The following TULP3 variants were observed in gnomAD, a reference collection of about 807,000 sequenced individuals.
TULP3 encodes the protein tubby-related protein 3.
In TULP3, 38 loss-of-function variants were observed where a neutral mutation model predicts 50.7. That is an observed-to-expected ratio of 0.75 (90% CI 0.58 to 0.98). The LOEUF (loss-of-function observed/expected upper bound fraction) is 0.98. TULP3 is among the 50% of genes least tolerant of loss of function. TULP3 has a pLI of 0.00. For missense variants in TULP3, 550 were observed against 568.0 expected, an observed-to-expected ratio of 0.97 and a Z score of 0.32; for synonymous variants, 183 against 196.6, an observed-to-expected ratio of 0.93 and a Z score of 0.58.
At chr12:2,938,032 G>A in intron 9 of TULP3, 82 bp from the exon 10 acceptor site, 1 of 1,477,190 alleles carries the variant, frequency 6.8e-7, no homozygotes, top group East Asian at 2.3e-5. Context: ...TTTCTGAAAT[G>A]GAGAAAGTAT....
chr12:2,921,461 G>A (rs1224817593), intron 3 of TULP3, among the ~76,000 whole-genome samples: 1 of 152,148 alleles, frequency 6.6e-6, no homozygotes, highest in Non-Finnish European at 1.5e-5. Context: ...TTTTCTAGAT[G>A]CCAGATGAAT....
At chr12:2,904,689 A>AT (rs2098181179) in intron 1 of TULP3, among the ~76,000 whole-genome samples, 1 of 152,048 alleles carries the variant, frequency 6.6e-6, no homozygotes. Context: ...AGGAAAAAGA[A>AT]TTACTCCACT....
Position 2,933,536 on chromosome 12 carries a change from A to T in TULP3, c.809+6A>T, listed in dbSNP as rs1377364842. ...AGTTATGTCGGCAAGCTTAGGTGAA[A>T]GCAACCTTAGATCACTGTCCTATTC... is the stretch of plus-strand genomic sequence containing the variant. On this transcript the variant is annotated splice_donor_region_variant and intron_variant, in intron 7 of 10. Coordinates refer to ENST00000448120, the MANE Select transcript of TULP3 (RefSeq NM_003324.5). The T allele has an allele frequency of 3.8e-6, 6 of 1,567,298 alleles. No individual in the cohort carries two copies. Among genetic ancestry groups the T allele is most frequent in the East Asian group, 2.2e-5 (1 of 44,682 alleles).
chr12:2,892,745 G>C (rs10744576), intron 1 of TULP3, among the ~76,000 whole-genome samples: 71,888 of 151,348 alleles, frequency 0.47, 17,462 homozygotes, highest in African/African-American at 0.59. Flanking sequence ...TTCTTGACCT[G>C]GTGATCTGCC....
At position 2,917,750 on chromosome 12, in the gene TULP3, G is replaced by A. The variant is rs545308159; in HGVS notation, c.94-3013G>A. 3.3e-5 allele frequency among the ~76,000 whole-genome samples: 5 copies of A among 150,198 alleles called. No individual in the cohort carries two copies. The South Asian group carries it at 6.4e-4, about 19-fold the overall frequency. On this transcript the variant is annotated intron_variant, in intron 2 of 10. Transcript: ENST00000448120. The stretch of plus-strand genomic sequence containing the variant: ...AAATTAGCCGGGCGCGGTGCCGGAC[G>A]CCTGTAGTCCCAGCTCCTCGGGAGG...
At chr12:2,924,858 ATAAAAAT>A (rs1250094385) in intron 4 of TULP3, among the ~76,000 whole-genome samples, 1 of 151,994 alleles carries the variant, frequency 6.6e-6, no homozygotes. Flanking sequence ...GTCTCAAAAA[ATAAAAAT>A]TAAAAATAAA....
At chr12:2,915,010 CAA>C (rs1201910678) in intron 2 of TULP3, among the ~76,000 whole-genome samples, 1 of 144,652 alleles carries the variant, frequency 6.9e-6, no homozygotes, top group Admixed American at 6.9e-5. Context: ...TTTTTTGAGA[CAA>C]GAGTGTAGCC....
At chr12:2,899,407 C>T (rs1480438987) in intron 1 of TULP3, among the ~76,000 whole-genome samples, 3 of 150,796 alleles carry the variant, frequency 2.0e-5, no homozygotes, top group Admixed American at 6.6e-5. Context: ...CAAAAACTGA[C>T]GGCAGGCCAG....
chr12:2,891,043 G>A (rs567988109), intron 1 of TULP3, 55 bp downstream of exon 1: 313 of 1,489,118 alleles, frequency 2.1e-4, no homozygotes, highest in Non-Finnish European at 2.7e-4. Context: ...GGCGAAGCGA[G>A]AAGGCGGAGG....
At chr12:2,934,075 T>C (rs1201115197) in intron 7 of TULP3, among the ~76,000 whole-genome samples, 2 of 152,026 alleles carry the variant, frequency 1.3e-5, no homozygotes, top group African/African-American at 2.4e-5. Context: ...CACTGAGACA[T>C]TATCTCTTCA....
At chr12:2,903,928 C>A (rs959458655) in intron 1 of TULP3, among the ~76,000 whole-genome samples, 3 of 151,996 alleles carry the variant, frequency 2.0e-5, no homozygotes, top group African/African-American at 4.8e-5. Flanking sequence ...GGATTACAGG[C>A]GCCCACCACC....
rs56027951 is a variant in TULP3 at position 2,911,664 on chromosome 12, C to CTTTTTTTTTTTTTT, written c.93+2114_93+2127dup. 4.5e-4 allele frequency among the ~76,000 whole-genome samples: 17 copies of CTTTTTTTTTTTTTT among 38,170 alleles called. 2 individuals carry two copies. Among genetic ancestry groups the CTTTTTTTTTTTTTT allele is most frequent in the South Asian group, 1.2e-3 (1 of 862 alleles). 25.0% of individuals were successfully genotyped at this position (38,170 alleles called of 152,430 possible). A position where few individuals can be genotyped will look rare whatever the true frequency, so the allele number is the denominator to read the frequency against. Reference sequence around the variant, plus strand: ...ACAGGCGTGAGCCACTGCGCCCAGCCTTTTTTTTTTTTTTTTTTTTTTTTT... The same window carrying CTTTTTTTTTTTTTT: ...ACAGGCGTGAGCCACTGCGCCCAGCCTTTTTTTTTTTTTTTTTTTTTTTTTTTTTTTTTTTTTTT... On this transcript the variant is annotated intron_variant, in intron 2 of 10. Transcript: ENST00000448120.
chr12:2,893,901 C>T (rs1020380511), intron 1 of TULP3, among the ~76,000 whole-genome samples: 1 of 151,792 alleles, frequency 6.6e-6, no homozygotes, highest in Non-Finnish European at 1.5e-5. Context: ...GCCTCAGCCT[C>T]CCAAAGTGCT....
chr12:2,891,081 G>T, intron 1 of TULP3, 93 bp downstream of exon 1: 1 of 1,379,140 alleles, frequency 7.3e-7, no homozygotes, highest in Non-Finnish European at 9.5e-7. Flanking sequence ...GCGGGGAGAG[G>T]GCGGGACTCG....
intron 4 of TULP3, among the ~76,000 whole-genome samples, chr12:2,923,343 G>T (rs1190756907): frequency 6.6e-6 from 1 of 152,058 alleles, no homozygotes; most frequent in Non-Finnish European, 1.5e-5. Context: ...AAACAAATTT[G>T]TATATTCACT....
At chr12:2,918,364 G>A (rs1322467543) in intron 2 of TULP3, among the ~76,000 whole-genome samples, 3 of 151,276 alleles carry the variant, frequency 2.0e-5, no homozygotes, top group Non-Finnish European at 2.9e-5. Flanking sequence ...CGCCCACCTC[G>A]ACCTCCCAAA....
chr12:2,913,000 T>C (rs962361361), intron 2 of TULP3, among the ~76,000 whole-genome samples: 3 of 151,266 alleles, frequency 2.0e-5, no homozygotes, highest in African/African-American at 7.3e-5. Flanking sequence ...TTTGAGACAG[T>C]CTCCCTCTGT....
intron 6 of TULP3, among the ~76,000 whole-genome samples, chr12:2,932,083 G>C (rs1049609001): frequency 6.6e-6 from 1 of 152,186 alleles, no homozygotes. Flanking sequence ...GGAGAGTTTA[G>C]GAAGGATGCC....
At position 2,939,608 on chromosome 12, in the gene TULP3, CT is replaced by C. The variant is rs2098203509; in HGVS notation, c.*168del. ...ACACACAAAGAGCAATAGTTTGCCCCTTTTGGAACGACCCCTGAATATATAA... is the reference window on the plus strand; with the variant it reads ...ACACACAAAGAGCAATAGTTTGCCCCTTTGGAACGACCCCTGAATATATAA... On this transcript the variant is annotated 3_prime_UTR_variant, in exon 11 of 11. Coordinates refer to ENST00000448120, the MANE Select transcript of TULP3 (RefSeq NM_003324.5). This position sits in a 1 kb window ranked among gnomAD's most constrained non-coding sequence, Gnocchi z 4.0. 1 of 1,217,860 alleles carries C rather than the reference CT, an allele frequency of 8.2e-7. No individual in the cohort carries two copies. The highest frequency in any genetic ancestry group is 1.5e-5 in the African/African-American group (1 of 64,804). 75.4% of individuals were successfully genotyped at this position (1,217,860 alleles called of 1,614,324 possible). A position where few individuals can be genotyped will look rare whatever the true frequency, so the allele number is the denominator to read the frequency against.
Sources: allele counts gnomAD v4.1 joint callset (sites outside exome capture counted in the v4.1 genomes callset), GRCh38; gene constraint gnomAD v4.1.1; non-coding constraint Gnocchi (gnomAD v3.1); transcripts MANE v1.5; gene names NCBI Gene and HGNC (gene_info 2026-07-23, HGNC 2026-07-21).